The following LPP variants were observed in gnomAD, a reference collection of about 807,000 sequenced individuals.
The protein encoded by LPP is LIM domain containing preferred translocation partner in lipoma.
Under a neutral mutation model 60.4 loss-of-function variants are expected in LPP, and 38 were observed. That is an observed-to-expected ratio of 0.63 (90% confidence interval 0.49 to 0.83). LPP has a LOEUF of 0.83. Ranked by LOEUF, LPP falls within the 40% of genes least tolerant of loss-of-function variation. LPP has a pLI of 0.00. For synonymous variants in LPP, 328 were observed against 290.8 expected (o/e 1.13, Z -1.30); for missense variants, 902 against 783.6 (o/e 1.15, Z -1.80).
intron 2 of LPP, among the ~76,000 whole-genome samples, chr3:188,260,677 A>G (rs1049114656): frequency 3.9e-5 from 6 of 152,156 alleles, no homozygotes; most frequent in Non-Finnish European, 8.8e-5. Context: ...CTGTGACTCA[A>G]CAACAGCTGT....
intron 2 of LPP, among the ~76,000 whole-genome samples, chr3:188,292,799 A>G (rs534897630): frequency 6.6e-6 from 1 of 152,314 alleles, no homozygotes; most frequent in East Asian, 1.9e-4. Context: ...AGGAGGCAGA[A>G]AGTGTTTCTC....
intron 7 of LPP, among the ~76,000 whole-genome samples, chr3:188,651,220 T>C (rs908565245): frequency 6.6e-6 from 1 of 152,232 alleles, no homozygotes; most frequent in Non-Finnish European, 1.5e-5. Context: ...CAGACATATA[T>C]AACGCAGTCT....
At chr3:188,760,677 C>T (rs1315885135) in intron 9 of LPP, among the ~76,000 whole-genome samples, 3 of 152,086 alleles carry the variant, frequency 2.0e-5, no homozygotes, top group Admixed American at 1.3e-4. Flanking sequence ...TTTGAAGTGC[C>T]CAGTAGTTTC....
chr3:188,741,203 A>G (rs1324360673), intron 8 of LPP, among the ~76,000 whole-genome samples: 6 of 150,770 alleles, frequency 4.0e-5, no homozygotes, highest in Non-Finnish European at 7.4e-5. Flanking sequence ...CCCTTCCTTG[A>G]TACACTTGGT....
At chr3:188,346,377 A>G (rs943742725) in intron 3 of LPP, among the ~76,000 whole-genome samples, 1 of 144,674 alleles carries the variant, frequency 6.9e-6, no homozygotes, top group African/African-American at 2.6e-5. Context: ...CTCCTGTCTC[A>G]GCCTCCCAAG....
chr3:188,286,442 C>T (rs1743939824), intron 2 of LPP, among the ~76,000 whole-genome samples: 1 of 152,186 alleles, frequency 6.6e-6, no homozygotes, highest in Admixed American at 6.5e-5. Context: ...CCCACTTACT[C>T]TAGGTGGATG....
chr3:188,643,278 G>T (rs1215226006), intron 7 of LPP, among the ~76,000 whole-genome samples: 1 of 152,136 alleles, frequency 6.6e-6, no homozygotes, highest in Admixed American at 6.5e-5. Context: ...TTAATTTGGT[G>T]CATTTTTATT....
intron 2 of LPP, among the ~76,000 whole-genome samples, chr3:188,257,872 G>T (rs1732190214): frequency 6.6e-6 from 1 of 152,214 alleles, no homozygotes; most frequent in African/African-American, 2.4e-5. Context: ...GCAGAGCCAG[G>T]ATTCAAATGT....
At chr3:188,358,658 A>T (rs1327043674) in intron 3 of LPP, among the ~76,000 whole-genome samples, 2 of 152,148 alleles carry the variant, frequency 1.3e-5, no homozygotes, top group African/African-American at 4.8e-5. Flanking sequence ...AGTTTAGCAG[A>T]TTCTTTCCGA....
intron 9 of LPP, among the ~76,000 whole-genome samples, chr3:188,766,855 T>G (rs1260056098): frequency 6.6e-6 from 1 of 152,202 alleles, no homozygotes; most frequent in Non-Finnish European, 1.5e-5. Context: ...TGTTTACCTG[T>G]GGGTATGGAA....
At chr3:188,824,160 T>C (rs1306147882) in intron 9 of LPP, among the ~76,000 whole-genome samples, 1 of 152,226 alleles carries the variant, frequency 6.6e-6, no homozygotes, top group African/African-American at 2.4e-5. Context: ...TTATCCTCTG[T>C]AGCCTCAGCA....
At chr3:188,436,691 A>G (rs1237423630) in intron 4 of LPP, among the ~76,000 whole-genome samples, 2 of 152,210 alleles carry the variant, frequency 1.3e-5, no homozygotes, top group Non-Finnish European at 1.5e-5. Flanking sequence ...AAAACCAATT[A>G]GAAAATAATT....
chr3:188,623,051 A>G (rs1846107292), intron 7 of LPP, among the ~76,000 whole-genome samples: 1 of 144,286 alleles, frequency 6.9e-6, no homozygotes, highest in Non-Finnish European at 1.5e-5. Flanking sequence ...AAAAAAAGAG[A>G]GAGCTAACAT....
chr3:188,264,576 G>A (rs1447465977), intron 2 of LPP, among the ~76,000 whole-genome samples: 1 of 152,084 alleles, frequency 6.6e-6, no homozygotes, highest in African/African-American at 2.4e-5. Context: ...ATGAGGTAGG[G>A]GAGGGAGGTG....
chr3:188,178,760 T>C (rs568727180), intron 1 of LPP: 1 of 158,442 alleles, frequency 6.3e-6, no homozygotes, highest in African/African-American at 2.4e-5. Flanking sequence ...AAAGCCTTGT[T>C]TGGGCTGTCT....
intron 1 of LPP, among the ~76,000 whole-genome samples, chr3:188,154,491 C>T (rs1321917254): frequency 6.6e-6 from 1 of 152,118 alleles, no homozygotes; most frequent in Admixed American, 6.5e-5. Flanking sequence ...GGGGTTGGAG[C>T]CTTGCGCGCC....
At chr3:188,800,452 A>T (rs549213064) in intron 9 of LPP, among the ~76,000 whole-genome samples, 2 of 151,744 alleles carry the variant, frequency 1.3e-5, no homozygotes, top group South Asian at 4.2e-4. Flanking sequence ...TCATCGTGTT[A>T]GCCAGGATGG....
chr3:188,592,894 A>T (rs1839207358), intron 6 of LPP, among the ~76,000 whole-genome samples: 1 of 152,096 alleles, frequency 6.6e-6, no homozygotes, highest in African/African-American at 2.4e-5. Flanking sequence ...TAGCTCTCTC[A>T]AAAGTCTAAG....
At chr3:188,746,352 A>C in intron 8 of LPP, 1 of 427,104 alleles carries the variant, frequency 2.3e-6, no homozygotes, top group South Asian at 1.8e-5. Context: ...AACAGGGGGC[A>C]GAAAAACACG....
Sources: allele counts gnomAD v4.1 joint callset (sites outside exome capture counted in the v4.1 genomes callset), GRCh38; gene constraint gnomAD v4.1.1; transcripts MANE v1.5; gene names NCBI Gene and HGNC (gene_info 2026-07-23, HGNC 2026-07-21).